TRPC5: variants seen among roughly 807,000 people sequenced by gnomAD.
The protein encoded by TRPC5 is transient receptor potential cation channel subfamily C member 5.
Under a neutral mutation model 56.5 loss-of-function variants are expected in TRPC5, and 9 were observed. That is an observed-to-expected ratio of 0.16 (90% CI 0.10 to 0.28). The LOEUF is 0.28. Ranked by LOEUF, TRPC5 falls within the 10% of genes least tolerant of loss-of-function variation. The pLI is 1.00. For synonymous variants in TRPC5, 282 were observed against 278.5 expected, an observed-to-expected ratio of 1.01 and a Z score of -0.13; for missense variants, 469 against 748.9, an observed-to-expected ratio of 0.63 and a Z score of 4.36.
At chrX:111,885,030 A>G (rs747032143) in intron 3 of TRPC5, among the ~76,000 whole-genome samples, 2 of 113,051 alleles carry the variant, frequency 1.8e-5, no homozygotes, top group East Asian at 5.6e-4. Context: ...AAGCTTAGTC[A>G]GAGTCTAGTT....
chrX:111,774,080 C>G lies in TRPC5; in HGVS notation c.*2233G>C, dbSNP rs1209753646. Among the ~76,000 whole-genome samples, 1 of 111,328 alleles carries G rather than the reference C, an allele frequency of 9.0e-6. No homozygotes were observed. The highest frequency in any genetic ancestry group is 1.9e-5 in the Non-Finnish European group (1 of 52,956). On this transcript the variant is annotated 3_prime_UTR_variant, in exon 11 of 11. Transcript: ENST00000262839. ...GAAGATCTGAAAAGGAATGTACTCCCGTGACATATGACACTGGTTCTTTCA... is the reference window on the plus strand; with the variant it reads ...GAAGATCTGAAAAGGAATGTACTCCGGTGACATATGACACTGGTTCTTTCA...
At chrX:111,869,037 G>C (rs1478797482) in intron 3 of TRPC5, among the ~76,000 whole-genome samples, 7 of 111,924 alleles carry the variant, frequency 6.3e-5, no homozygotes, top group Admixed American at 2.8e-4. Flanking sequence ...CGCCCAAAAG[G>C]GGAAATCAGT....
chrX:111,909,437 A>G (rs1289459260), intron 3 of TRPC5, among the ~76,000 whole-genome samples: 3 of 111,134 alleles, frequency 2.7e-5, no homozygotes, highest in Non-Finnish European at 5.7e-5. Flanking sequence ...AAAGTAAAAT[A>G]GACACTCCAA....
chrX:111,970,517 A>G (rs182893495), intron 1 of TRPC5, among the ~76,000 whole-genome samples: 54 of 111,475 alleles, frequency 4.8e-4, no homozygotes, highest in Middle Eastern at 4.6e-3. Context: ...GTACAAGGTC[A>G]TGTTTCCTGC....
chrX:111,788,498 C>A (rs1464554385), intron 7 of TRPC5, among the ~76,000 whole-genome samples: 4 of 111,762 alleles, frequency 3.6e-5, no homozygotes, highest in Non-Finnish European at 7.5e-5. Context: ...CTTTGAAAAC[C>A]TGCACAAGTC....
At chrX:111,989,376 C>T (rs548749380) in intron 1 of TRPC5, among the ~76,000 whole-genome samples, 2 of 111,622 alleles carry the variant, frequency 1.8e-5, no homozygotes, top group African/African-American at 6.5e-5. Context: ...TCTGTCACAG[C>T]TATTTTCTTT....
intron 1 of TRPC5, among the ~76,000 whole-genome samples, chrX:111,967,092 C>T (rs1603122142): frequency 8.9e-6 from 1 of 111,751 alleles, no homozygotes; most frequent in Admixed American, 9.5e-5. Context: ...ATCATCTCAG[C>T]CCAAAATCTC....
intron 3 of TRPC5, among the ~76,000 whole-genome samples, chrX:111,889,597 C>T (rs770353772): frequency 8.9e-6 from 1 of 112,199 alleles, no homozygotes; most frequent in African/African-American, 3.2e-5. Flanking sequence ...ATGGGATTCA[C>T]TCTTTACCCA....
At chrX:111,957,892 T>C (rs1473240387) in intron 1 of TRPC5, among the ~76,000 whole-genome samples, 1 of 111,729 alleles carries the variant, frequency 9.0e-6, no homozygotes, top group African/African-American at 3.3e-5. Flanking sequence ...ATAGTATGGA[T>C]ACAAAGAAGG....
chrX:111,969,041 A>G (rs905462659), intron 1 of TRPC5, among the ~76,000 whole-genome samples: 4 of 109,406 alleles, frequency 3.7e-5, no homozygotes, highest in Non-Finnish European at 7.6e-5. Flanking sequence ...AAAAAAATAA[A>G]TAAATAACAA....
At chrX:111,847,093 A>T (rs1336199337) in intron 6 of TRPC5, 21 bp downstream of exon 6, 1 of 1,166,209 alleles carries the variant, frequency 8.6e-7, no homozygotes, top group East Asian at 3.0e-5. Context: ...TAAATAAATA[A>T]AGGAAAGGGG....
intron 1 of TRPC5, among the ~76,000 whole-genome samples, chrX:111,996,662 G>A (rs929072637): frequency 4.5e-5 from 5 of 111,490 alleles, no homozygotes; most frequent in African/African-American, 9.8e-5. Flanking sequence ...GAATCTGGGT[G>A]CTCCTGTATT....
At chrX:111,950,790 A>C (rs1267185598) in intron 2 of TRPC5, among the ~76,000 whole-genome samples, 1 of 112,254 alleles carries the variant, frequency 8.9e-6, no homozygotes, top group Non-Finnish European at 1.9e-5. Flanking sequence ...AGGTCCATTC[A>C]TTTCTCCCTT....
intron 1 of TRPC5, among the ~76,000 whole-genome samples, chrX:111,966,178 C>T (rs753658969): frequency 9.0e-6 from 1 of 111,649 alleles, no homozygotes; most frequent in Non-Finnish European, 1.9e-5. Context: ...ATACAAACTA[C>T]CATCAGAGAA....
At chrX:111,785,331 G>C (rs1945953293) in intron 7 of TRPC5, among the ~76,000 whole-genome samples, 1 of 112,152 alleles carries the variant, frequency 8.9e-6, no homozygotes, top group Non-Finnish European at 1.9e-5. Flanking sequence ...CTGACTGTTA[G>C]AAGGAAAACT....
At chrX:112,070,845 C>A (rs770562354) in intron 1 of TRPC5, among the ~76,000 whole-genome samples, 1 of 111,062 alleles carries the variant, frequency 9.0e-6, no homozygotes, top group Admixed American at 9.6e-5. Flanking sequence ...TCTCCAATTC[C>A]TTTTGCCACC....
intron 1 of TRPC5, among the ~76,000 whole-genome samples, chrX:112,052,917 G>A (rs1211913480): frequency 9.0e-6 from 1 of 111,561 alleles, no homozygotes. Context: ...AAATCATTTG[G>A]CCATATAAGT....
At position 112,075,401 on chromosome X, in the gene TRPC5, T is replaced by C. The variant is rs780528750; in HGVS notation, c.-22+6478A>G. Among the ~76,000 whole-genome samples, 4 of 111,771 alleles carry C rather than the reference T, an allele frequency of 3.6e-5. No homozygotes were observed. The South Asian group carries it at 1.5e-3, about 42-fold the overall frequency. On this transcript the variant is annotated intron_variant, in intron 1 of 10. Coordinates refer to ENST00000262839, the MANE Select transcript of TRPC5 (RefSeq NM_012471.3). The stretch of plus-strand genomic sequence containing the variant: ...ATGGGAATAATAATAATACCTATCA[T>C]ATAGAAACTGTAGTGAATGTCATTT...
chrX:112,013,270 C>T (rs1929037881), intron 1 of TRPC5, among the ~76,000 whole-genome samples: 1 of 111,409 alleles, frequency 9.0e-6, no homozygotes, highest in Non-Finnish European at 1.9e-5. Context: ...CCTGCCTCAG[C>T]CTCCCAAGTA....
Sources: gnomAD v4.1 joint callset for allele counts (sites outside exome capture counted in the v4.1 genomes callset) on GRCh38, gnomAD v4.1.1 for gene constraint, MANE v1.5 for transcripts, NCBI Gene and HGNC (gene_info 2026-07-23, HGNC 2026-07-21) for gene names.